DENND1A: variants seen among roughly 807,000 people sequenced by gnomAD.
DENND1A encodes the protein DENN domain containing 1A.
A neutral mutation model predicts 113.7 loss-of-function variants in DENND1A; 51 were observed. That is an observed-to-expected ratio of 0.45 (90% confidence interval 0.36 to 0.57). DENND1A has a LOEUF of 0.57. Ranked by LOEUF, DENND1A falls within the 20% of genes least tolerant of loss-of-function variation. The pLI, the probability that DENND1A is intolerant of heterozygous loss-of-function variation, is 0.00. For synonymous variants in DENND1A, 565 were observed against 570.8 expected, an observed-to-expected ratio of 0.99 and a Z score of 0.14; for missense variants, 1,258 against 1,395.9, an observed-to-expected ratio of 0.90 and a Z score of 1.57.
intron 5 of DENND1A, among the ~76,000 whole-genome samples, chr9:123,716,682 A>T (rs140763012): frequency 0.019 from 2,861 of 152,340 alleles, 64 homozygotes; most frequent in Non-Finnish European, 0.025. Context: ...GTACAAACGA[A>T]TGCAGTGGAG....
intron 10 of DENND1A, among the ~76,000 whole-genome samples, chr9:123,620,338 G>A (rs539343204): frequency 9.2e-5 from 14 of 152,022 alleles, no homozygotes; most frequent in Non-Finnish European, 1.8e-4. Context: ...AAATGAAGGT[G>A]CATCTCAGTG....
chr9:123,829,400 TAAAAG>T (rs931182442), intron 2 of DENND1A, among the ~76,000 whole-genome samples: 1 of 151,232 alleles, frequency 6.6e-6, no homozygotes, highest in Non-Finnish European at 1.5e-5. Context: ...AATTCAGACT[TAAAAG>T]AAAAAAATCA....
At position 123,445,787 on chromosome 9, in the gene DENND1A, A is replaced by G. The variant is rs564360133; in HGVS notation, c.1356+4906T>C. Among the ~76,000 whole-genome samples the G allele has an allele frequency of 2.6e-5, 4 of 152,328 alleles. No homozygotes were observed. The East Asian group carries it at 7.7e-4, about 29-fold the overall frequency. On this transcript the variant is annotated intron_variant, in intron 18 of 23. Coordinates refer to ENST00000394215, the MANE Select transcript of DENND1A (RefSeq NM_001352964.2). The stretch of plus-strand genomic sequence containing the variant: ...GTGGCTGAAGCAGGAGAATCACTTG[A>G]ACCTGGGAGGTGGAGTTTGCGGTGA...
At chr9:123,649,869 T>C (rs2062549443) in intron 9 of DENND1A, among the ~76,000 whole-genome samples, 3 of 152,216 alleles carry the variant, frequency 2.0e-5, no homozygotes, top group African/African-American at 2.4e-5. Flanking sequence ...AGAAGGTTCA[T>C]TCTTCCTTAT....
intron 9 of DENND1A, among the ~76,000 whole-genome samples, chr9:123,630,959 AT>A (rs2061449990): frequency 6.6e-6 from 1 of 152,214 alleles, no homozygotes; most frequent in Admixed American, 6.5e-5. Context: ...CTTAGAAAAA[AT>A]ATCTTTTAAT....
intron 3 of DENND1A, among the ~76,000 whole-genome samples, chr9:123,783,138 T>C (rs1831578026): frequency 6.6e-6 from 1 of 152,200 alleles, no homozygotes; most frequent in South Asian, 2.1e-4. Context: ...TCTCAACATA[T>C]AGATTTCACA....
intron 19 of DENND1A, among the ~76,000 whole-genome samples, chr9:123,414,939 TA>T (rs1353173266): frequency 1.3e-5 from 2 of 152,222 alleles, no homozygotes; most frequent in African/African-American, 4.8e-5. Context: ...ACTTTTGGCT[TA>T]AACTTCCTGG....
chr9:123,845,211 C>T (rs76979905), intron 2 of DENND1A, among the ~76,000 whole-genome samples: 3,572 of 151,360 alleles, frequency 0.024, 154 homozygotes, highest in African/African-American at 0.081. Flanking sequence ...GAGAGCAAGG[C>T]TGTGTCTCCA....
chr9:123,718,979 GA>G (rs1171639966), intron 5 of DENND1A, among the ~76,000 whole-genome samples: 3 of 152,140 alleles, frequency 2.0e-5, no homozygotes, highest in Non-Finnish European at 4.4e-5. Flanking sequence ...TCGTGGTAGT[GA>G]ATAAGTCTCA....
intron 2 of DENND1A, among the ~76,000 whole-genome samples, chr9:123,815,258 C>G (rs1160644422): frequency 6.6e-6 from 1 of 152,246 alleles, no homozygotes; most frequent in African/African-American, 2.4e-5. Flanking sequence ...AATCTAAGCA[C>G]TGTCTACAGA....
chr9:123,692,395 C>T (rs2065243884), intron 5 of DENND1A, among the ~76,000 whole-genome samples: 1 of 152,024 alleles, frequency 6.6e-6, no homozygotes, highest in African/African-American at 2.4e-5. Context: ...GTGGGCTGGG[C>T]CAATAGGGAT....
intron 1 of DENND1A, among the ~76,000 whole-genome samples, chr9:123,886,402 A>T (rs568347176): frequency 3.3e-5 from 5 of 152,304 alleles, no homozygotes; most frequent in Admixed American, 1.3e-4. Context: ...CTGAAACGAA[A>T]TAGTTATTAG....
intron 1 of DENND1A, among the ~76,000 whole-genome samples, chr9:123,899,236 CATT>C (rs1851229896): frequency 6.6e-6 from 1 of 152,178 alleles, no homozygotes; most frequent in Non-Finnish European, 1.5e-5. Context: ...CTCAGCCTAT[CATT>C]AGTTTACAAT....
intron 8 of DENND1A, among the ~76,000 whole-genome samples, chr9:123,661,254 G>T (rs1305235001): frequency 1.3e-5 from 2 of 152,150 alleles, no homozygotes; most frequent in Admixed American, 1.3e-4. Flanking sequence ...CTAGTTAACA[G>T]ACTTTCCCAC....
chr9:123,761,955 G>A (rs1394504309), intron 4 of DENND1A, among the ~76,000 whole-genome samples: 7 of 152,192 alleles, frequency 4.6e-5, no homozygotes, highest in Non-Finnish European at 7.3e-5. Context: ...ATTTCAGGAT[G>A]ATGGAAGCTA....
rs2065067138 is a variant in DENND1A, at chr9:123,690,040, G to C, written c.303-13251C>G. Among the ~76,000 whole-genome samples, 4 of 132,664 alleles carry C rather than the reference G, an allele frequency of 3.0e-5. No homozygotes were observed. In the Admixed American group the frequency reaches 3.1e-4, roughly 10 times the overall value. The allele number at this position is 132,664 out of a possible 152,430, so 87.0% of individuals were successfully genotyped here. ...GGGAAGGAGGGAGGGAAGAAAAGGA[G>C]GGAAGAAGGAAAGGAGGGAGGGAGG... On this transcript the variant is annotated intron_variant, in intron 5 of 23. Coordinates refer to ENST00000394215, the MANE Select transcript of DENND1A (RefSeq NM_001352964.2).
chr9:123,412,409 C>T (rs997896121), intron 19 of DENND1A, among the ~76,000 whole-genome samples: 1 of 152,194 alleles, frequency 6.6e-6, no homozygotes, highest in Non-Finnish European at 1.5e-5. Flanking sequence ...GATGCTGCCT[C>T]GTGCCTCCTG....
intron 1 of DENND1A, among the ~76,000 whole-genome samples, chr9:123,922,382 T>C (rs1856419959): frequency 6.6e-6 from 1 of 152,218 alleles, no homozygotes; most frequent in African/African-American, 2.4e-5. Flanking sequence ...ATACATCTGA[T>C]AAATATCCAT....
At chr9:123,857,932 G>C (rs970719856) in intron 2 of DENND1A, among the ~76,000 whole-genome samples, 4 of 151,968 alleles carry the variant, frequency 2.6e-5, no homozygotes, top group Non-Finnish European at 5.9e-5. Context: ...GGTGGCGGAC[G>C]CCTGTAGTCC....
Sources: gnomAD v4.1 joint callset for allele counts (sites outside exome capture counted in the v4.1 genomes callset) on GRCh38, gnomAD v4.1.1 for gene constraint, MANE v1.5 for transcripts, NCBI Gene and HGNC (gene_info 2026-07-23, HGNC 2026-07-21) for gene names.